RAB28: variants seen among roughly 807,000 people sequenced by gnomAD.
The protein encoded by RAB28 is RAB28, member RAS oncogene family.
RAB28 carries 24 observed loss-of-function variants against 31.7 expected under a neutral mutation model. The ratio of observed to expected loss-of-function variants is 0.76; its 90% CI spans 0.55 to 1.06. The LOEUF (loss-of-function observed/expected upper bound fraction) is 1.06, where lower values mean the gene tolerates loss of function less well. Among genes scored for constraint, RAB28 ranks in the 50% least tolerant of loss-of-function variants. The pLI, the probability that RAB28 is intolerant of heterozygous loss-of-function variation, is 0.00. For missense variants in RAB28, 254 were observed against 258.5 expected (o/e 0.98, Z 0.12); for synonymous variants, 100 against 90.4 (o/e 1.11, Z -0.60).
chr4:13,390,960 A>C (rs1452154456), intron 4 of RAB28, among the ~76,000 whole-genome samples: 1 of 152,208 alleles, frequency 6.6e-6, no homozygotes, highest in Non-Finnish European at 1.5e-5. Flanking sequence ...CCCAAGAAGA[A>C]AACCTGGGCA....
intron 4 of RAB28, among the ~76,000 whole-genome samples, chr4:13,413,012 G>A (rs1445977281): frequency 6.6e-6 from 1 of 151,916 alleles, no homozygotes; most frequent in East Asian, 1.9e-4. Context: ...AACTTAAAAA[G>A]TGTAAAAAGG....
At chr4:13,384,488 G>A (rs1729278328) in intron 4 of RAB28, among the ~76,000 whole-genome samples, 2 of 152,138 alleles carry the variant, frequency 1.3e-5, no homozygotes, top group Admixed American at 6.5e-5. Flanking sequence ...AGTGGTCCAG[G>A]AATACGTAGG....
intron 3 of RAB28, among the ~76,000 whole-genome samples, chr4:13,462,755 T>G (rs1054950616): frequency 3.9e-5 from 6 of 152,204 alleles, no homozygotes; most frequent in African/African-American, 1.2e-4. Context: ...TTTGGTCACT[T>G]GAACATCTGT....
chr4:13,395,091 T>C (rs1047173484), intron 4 of RAB28, among the ~76,000 whole-genome samples: 3 of 152,158 alleles, frequency 2.0e-5, no homozygotes, highest in African/African-American at 4.8e-5. Context: ...AGAAAGAACA[T>C]CAACTTTAGG....
chr4:13,369,524 A>G (rs1213954652), intron 6 of RAB28, among the ~76,000 whole-genome samples: 2 of 152,130 alleles, frequency 1.3e-5, no homozygotes, highest in Non-Finnish European at 2.9e-5. Context: ...TTTTAAAAAT[A>G]CTCTTTCAAT....
At chr4:13,406,707 G>C (rs943276604) in intron 4 of RAB28, among the ~76,000 whole-genome samples, 4 of 152,230 alleles carry the variant, frequency 2.6e-5, no homozygotes, top group African/African-American at 7.2e-5. Context: ...ACTGGCATGA[G>C]ATGGTATCTC....
chr4:13,447,465 T>TA lies in RAB28; in HGVS notation c.391+13233dup, dbSNP rs978188553. Among the ~76,000 whole-genome samples, 144 of 151,876 alleles carry TA rather than the reference T, an allele frequency of 9.5e-4. 1 individual carries two copies. Among genetic ancestry groups the TA allele is most frequent in the African/African-American group, 2.6e-3 (108 of 41,428 alleles). On this transcript the variant is annotated intron_variant, in intron 4 of 6. Coordinates refer to ENST00000330852, the MANE Select transcript of RAB28 (RefSeq NM_001017979.3). ...ACCTTGGGATAATAAATTTCTGTTA[T>TA]AAAAAAAAGAGAGAGAGAGAGAAAG...
chr4:13,457,903 C>T (rs1347178964), intron 4 of RAB28, among the ~76,000 whole-genome samples: 2 of 152,120 alleles, frequency 1.3e-5, no homozygotes, highest in Non-Finnish European at 2.9e-5. Context: ...TAAAACAAAT[C>T]ATAACGCCTC....
intron 4 of RAB28, among the ~76,000 whole-genome samples, chr4:13,395,158 A>G (rs1028591600): frequency 1.3e-5 from 2 of 152,236 alleles, no homozygotes; most frequent in Non-Finnish European, 2.9e-5. Context: ...AATTAAAACA[A>G]TAAAGACAAA....
In RAB28 at chr4:13,466,880, G is replaced by C. The variant is rs189125242; in HGVS notation, c.262-6052C>G. On this transcript the variant is annotated intron_variant, in intron 3 of 6. Transcript: ENST00000330852. Reference sequence around the variant, plus strand: ...AAGGAAAAGTCTCTCATTTGCAACAGCATGAATGGAATTGGAAAACATTAA... The same window carrying C: ...AAGGAAAAGTCTCTCATTTGCAACACCATGAATGGAATTGGAAAACATTAA... Among the ~76,000 whole-genome samples the C allele has an allele frequency of 3.8e-4, 57 of 151,972 alleles. 1 individual carries two copies. The highest frequency in any genetic ancestry group is 3.7e-3 in the Admixed American group (56 of 15,228).
At position 13,477,657 on chromosome 4, in the gene RAB28, A is replaced by G. The variant is rs552318792; in HGVS notation, c.172+1773T>C. ...TAAAACCAACTGCCTTAAAAAAAAA[A>G]TAGAAGTTTTTTTCTGGAACTTTGC... On this transcript the variant is annotated intron_variant, in intron 2 of 6. Coordinates refer to ENST00000330852, the MANE Select transcript of RAB28 (RefSeq NM_001017979.3). Among the ~76,000 whole-genome samples, 727 of 151,340 alleles carry G rather than the reference A, an allele frequency of 4.8e-3. 5 individuals are homozygous for G. The highest frequency in any genetic ancestry group is 0.016 in the African/African-American group (681 of 41,362).
chr4:13,479,051 A>T (rs572314827), intron 2 of RAB28, among the ~76,000 whole-genome samples: 1 of 151,830 alleles, frequency 6.6e-6, no homozygotes, highest in Admixed American at 6.6e-5. Context: ...AACAGAGGCA[A>T]ATCAAAATAA....
intron 4 of RAB28, among the ~76,000 whole-genome samples, chr4:13,406,054 A>C (rs1051026094): frequency 1.3e-5 from 2 of 152,170 alleles, no homozygotes; most frequent in Non-Finnish European, 2.9e-5. Flanking sequence ...CAGAACATGC[A>C]GGTTTGTTAC....
intron 6 of RAB28, among the ~76,000 whole-genome samples, chr4:13,373,679 G>A (rs955939790): frequency 6.6e-5 from 10 of 152,024 alleles, no homozygotes; most frequent in Non-Finnish European, 1.3e-4. Context: ...TCCCAAATAG[G>A]AGCAATCTAG....
chr4:13,448,040 TA>T lies in RAB28; in HGVS notation c.391+12658del, dbSNP rs144928755. Among the ~76,000 whole-genome samples, 779 of 152,262 alleles carry T rather than the reference TA, an allele frequency of 5.1e-3. 9 individuals are homozygous for T. Among genetic ancestry groups the T allele is most frequent in the African/African-American group, 0.018 (736 of 41,566 alleles). On this transcript the variant is annotated intron_variant, in intron 4 of 6. Transcript: ENST00000330852. ...ATACAAGAGGATGACCATAAGTGGTTAAGGGAATTGTCCAAGCTCACGTAAC... is the reference window on the plus strand; with the variant it reads ...ATACAAGAGGATGACCATAAGTGGTTAGGGAATTGTCCAAGCTCACGTAAC...
At chr4:13,422,356 T>C (rs915014723) in intron 4 of RAB28, among the ~76,000 whole-genome samples, 1 of 152,212 alleles carries the variant, frequency 6.6e-6, no homozygotes, top group African/African-American at 2.4e-5. Context: ...CTCAAGGATC[T>C]GGAACTAGAA....
intron 4 of RAB28, among the ~76,000 whole-genome samples, chr4:13,420,792 C>G (rs1212853811): frequency 1.3e-5 from 2 of 152,140 alleles, no homozygotes; most frequent in African/African-American, 4.8e-5. Flanking sequence ...AAACCCACAG[C>G]CAATATCATA....
intron 4 of RAB28, among the ~76,000 whole-genome samples, chr4:13,440,218 T>G (rs1403890024): frequency 5.3e-5 from 8 of 152,172 alleles, no homozygotes; most frequent in Admixed American, 5.2e-4. Flanking sequence ...TTTCATATGC[T>G]TCATATTTAT....
chr4:13,420,415 G>A (rs2108920078), intron 4 of RAB28, among the ~76,000 whole-genome samples: 1 of 152,232 alleles, frequency 6.6e-6, no homozygotes, highest in East Asian at 1.9e-4. Context: ...TATGATGCCA[G>A]TATCATCCTG....
Sources: allele counts gnomAD v4.1 joint callset (sites outside exome capture counted in the v4.1 genomes callset), GRCh38; gene constraint gnomAD v4.1.1; transcripts MANE v1.5; gene names NCBI Gene and HGNC (gene_info 2026-07-23, HGNC 2026-07-21).